The following OR9Q1 variants were observed in gnomAD, a reference collection of about 807,000 sequenced individuals.
OR9Q1 encodes olfactory receptor family 9 subfamily Q member 1.
For synonymous variants in OR9Q1, 153 were observed against 148.6 expected (o/e 1.03, Z -0.22); for missense variants, 374 against 378.8 (o/e 0.99, Z 0.11).
chr11:58,153,576 G>C (rs1481021743), intron 2 of OR9Q1, among the ~76,000 whole-genome samples: 1 of 151,056 alleles, frequency 6.6e-6, no homozygotes, highest in East Asian at 1.9e-4. Context: ...TTTTCCAAGA[G>C]AAATTTGAAA....
chr11:58,100,613 A>C (rs905674417), intron 2 of OR9Q1, among the ~76,000 whole-genome samples: 1 of 152,000 alleles, frequency 6.6e-6, no homozygotes, highest in Non-Finnish European at 1.5e-5. Flanking sequence ...TTATATTTAT[A>C]TTTATTTTCT....
At chr11:58,092,397 G>T (rs1446583541) in intron 2 of OR9Q1, among the ~76,000 whole-genome samples, 1 of 150,692 alleles carries the variant, frequency 6.6e-6, no homozygotes, top group Non-Finnish European at 1.5e-5. Context: ...CAATTTTTTT[G>T]CTTTCCAGTT....
chr11:58,083,314 G>T (rs184804619), intron 2 of OR9Q1, among the ~76,000 whole-genome samples: 1 of 151,784 alleles, frequency 6.6e-6, no homozygotes, highest in Non-Finnish European at 1.5e-5. Context: ...TTTTAATGAG[G>T]TTATTTGTTT....
intron 2 of OR9Q1, among the ~76,000 whole-genome samples, chr11:58,130,198 C>T (rs1854127386): frequency 6.6e-6 from 1 of 151,910 alleles, no homozygotes; most frequent in South Asian, 2.1e-4. Context: ...TTCTACAATT[C>T]AATCAGAAAA....
chr11:58,124,093 G>C (rs1854064171), intron 2 of OR9Q1, among the ~76,000 whole-genome samples: 1 of 152,110 alleles, frequency 6.6e-6, no homozygotes, highest in African/African-American at 2.4e-5. Context: ...ATATTTCCCA[G>C]AGGGAAAAAT....
chr11:58,069,861 C>A (rs1853469090), intron 2 of OR9Q1, among the ~76,000 whole-genome samples: 1 of 150,948 alleles, frequency 6.6e-6, no homozygotes. Flanking sequence ...CAGAGTGAGA[C>A]CCTATCTCAA....
intron 1 of OR9Q1, among the ~76,000 whole-genome samples, chr11:58,046,342 C>T (rs1234403938): frequency 6.6e-6 from 1 of 152,142 alleles, no homozygotes; most frequent in African/African-American, 2.4e-5. Flanking sequence ...AAACCATATG[C>T]CTGACTAAGG....
At chr11:58,179,191 T>G (rs1854635648) in intron 2 of OR9Q1, among the ~76,000 whole-genome samples, 1 of 151,438 alleles carries the variant, frequency 6.6e-6, no homozygotes, top group Non-Finnish European at 1.5e-5. Context: ...CATGGCTAAT[T>G]TTTTTTGCAT....
At chr11:58,175,449 C>G (rs2119961752) in intron 2 of OR9Q1, among the ~76,000 whole-genome samples, 1 of 152,234 alleles carries the variant, frequency 6.6e-6, no homozygotes, top group Middle Eastern at 3.4e-3. Flanking sequence ...GCGAAGCCCT[C>G]CCCAGTTTAC....
intron 2 of OR9Q1, among the ~76,000 whole-genome samples, chr11:58,086,956 A>T (rs1011222827): frequency 4.0e-5 from 6 of 151,812 alleles, no homozygotes; most frequent in Non-Finnish European, 8.8e-5. Context: ...TATAATGAAT[A>T]ATAATGCATC....
intron 2 of OR9Q1, chr11:58,144,815 G>A (rs566316086): frequency 7.8e-6 from 1 of 127,664 alleles, no homozygotes; most frequent in South Asian, 3.5e-4. Context: ...AGCATTGAGT[G>A]TTTCCTTTTG....
At chr11:58,071,491 T>A (rs965670912) in intron 2 of OR9Q1, among the ~76,000 whole-genome samples, 25 of 151,076 alleles carry the variant, frequency 1.7e-4, no homozygotes, top group African/African-American at 6.1e-4. Flanking sequence ...AAAAAAAAAA[T>A]AAAATAAAAA....
intron 2 of OR9Q1, among the ~76,000 whole-genome samples, chr11:58,157,159 A>G (rs1432549445): frequency 6.6e-6 from 1 of 152,110 alleles, no homozygotes; most frequent in Non-Finnish European, 1.5e-5. Context: ...CCTTCCAGTC[A>G]TTCAAATACC....
At chr11:58,064,160 T>C (rs903743066) in intron 2 of OR9Q1, among the ~76,000 whole-genome samples, 23 of 152,180 alleles carry the variant, frequency 1.5e-4, no homozygotes, top group African/African-American at 5.3e-4. Flanking sequence ...AACCACCATC[T>C]AAGGAGGGTT....
rs897413997 is a variant in OR9Q1 at position 58,043,141 on chromosome 11, C to T, written c.-92-12729C>T. 2.0e-5 allele frequency among the ~76,000 whole-genome samples: 3 copies of T among 152,080 alleles called. No homozygotes were observed. The East Asian group carries it at 5.8e-4, about 29-fold the overall frequency. ...TTGATTTGGATATATTTGTAGGGTC[C>T]TAGATACTTTGATTCCATGTCTTCC... is the stretch of plus-strand genomic sequence containing the variant. On this transcript the variant is annotated intron_variant, in intron 1 of 2. Transcript: ENST00000335397.
chr11:58,136,926 G>A (rs1294939560), intron 2 of OR9Q1, among the ~76,000 whole-genome samples: 1 of 152,152 alleles, frequency 6.6e-6, no homozygotes, highest in Non-Finnish European at 1.5e-5. Flanking sequence ...CTCCCTAAGT[G>A]TTTTCATTTT....
intron 2 of OR9Q1, among the ~76,000 whole-genome samples, chr11:58,070,882 C>T (rs1027424169): frequency 6.6e-6 from 1 of 152,162 alleles, no homozygotes; most frequent in Admixed American, 6.5e-5. Flanking sequence ...AACCAGTTCC[C>T]TCTGTGTCAA....
At chr11:58,074,186 G>T (rs532154084) in intron 2 of OR9Q1, among the ~76,000 whole-genome samples, 1 of 152,302 alleles carries the variant, frequency 6.6e-6, no homozygotes, top group East Asian at 1.9e-4. Context: ...TATATACACA[G>T]TAATGGGATT....
At chr11:58,119,132 T>C in intron 2 of OR9Q1, 2 of 1,613,800 alleles carry the variant, frequency 1.2e-6, no homozygotes, top group Middle Eastern at 3.3e-4. Flanking sequence ...GCACAGATGG[T>C]GAATAAAAAG....
Sources: allele counts gnomAD v4.1 joint callset (sites outside exome capture counted in the v4.1 genomes callset), GRCh38; gene constraint gnomAD v4.1.1; transcripts MANE v1.5; gene names NCBI Gene and HGNC (gene_info 2026-07-23, HGNC 2026-07-21).